GPATCH8: variants seen among roughly 807,000 people sequenced by gnomAD.
The protein encoded by GPATCH8 is G patch domain-containing protein 8.
Under a neutral mutation model 118.3 loss-of-function variants are expected in GPATCH8, and 18 were observed. The ratio of observed to expected loss-of-function variants is 0.15; its 90% CI spans 0.11 to 0.23. GPATCH8 has a LOEUF of 0.23. GPATCH8 is among the 10% of genes least tolerant of loss of function. The probability of loss-of-function intolerance (pLI) is 1.00; values close to 1 mark genes in which losing one functional copy is unlikely to be tolerated. For synonymous variants in GPATCH8, 659 were observed against 684.7 expected (o/e 0.96, Z 0.59); for missense variants, 1,631 against 1,873.8 (o/e 0.87, Z 2.39).
At position 44,470,029 on chromosome 17, in the gene GPATCH8, T is replaced by C. The variant is rs191436715; in HGVS notation, c.120+4800A>G. On this transcript the variant is annotated intron_variant, in intron 2 of 7. Coordinates refer to ENST00000591680, the MANE Select transcript of GPATCH8 (RefSeq NM_001002909.4). ...GAGTTTGAAGCTTACACTACATTTT[T>C]AAACCTATTAGGTCATCCTGACAAC... Among the ~76,000 whole-genome samples the C allele has an allele frequency of 6.1e-3, 926 of 152,356 alleles. 4 individuals carry two copies. The highest frequency in any genetic ancestry group is 0.017 in the Middle Eastern group (5 of 294).
intron 6 of GPATCH8, among the ~76,000 whole-genome samples, chr17:44,416,694 G>A (rs779532672): frequency 2.0e-5 from 3 of 152,196 alleles, no homozygotes; most frequent in Non-Finnish European, 4.4e-5. Context: ...TAATGAAACA[G>A]TCAACTAAGA....
chr17:44,463,066 TTTAA>T lies in GPATCH8; in HGVS notation c.193+1402_193+1405del, dbSNP rs201400110. 2.5e-3 allele frequency among the ~76,000 whole-genome samples: 385 copies of T among 152,218 alleles called. 1 individual carries two copies. Among genetic ancestry groups the T allele is most frequent in the African/African-American group, 8.7e-3 (361 of 41,574 alleles). ...GCCCTGTCCTCCTGGTTTCTCTCTT[TTTAA>T]TTAATTAATTAATTTTTTCTTTTTT... is the stretch of plus-strand genomic sequence containing the variant. On this transcript the variant is annotated intron_variant, in intron 3 of 7. Coordinates refer to ENST00000591680, the MANE Select transcript of GPATCH8 (RefSeq NM_001002909.4).
At chr17:44,435,411 C>CTTTTTTTTTTTTTT (rs566253126) in intron 4 of GPATCH8, among the ~76,000 whole-genome samples, 1 of 99,754 alleles carries the variant, frequency 1.0e-5, no homozygotes, top group Non-Finnish European at 1.9e-5. Context: ...TCTTTCTTTC[C>CTTTTTTTTTTTTTT]TTTTTTTTTT....
In GPATCH8 at chr17:44,399,088, T is replaced by C. The variant is rs1251490402; in HGVS notation, c.2989A>G (p.Arg997Gly). The change falls in exon 8 of 8, where the codon AGG becomes GGG. Residue 997 changes from arginine to glycine, a missense_variant. Arg to Gly is a moderately radical substitution (Grantham distance 125, BLOSUM62 -2). Coordinates refer to ENST00000591680, the MANE Select transcript of GPATCH8 (RefSeq NM_001002909.4). ...GAGCCTGATCTCTGGGAAGGGCTCC[T>C]GGTGCTGCGGCTGCGGTCCCGGCTA... ...SYSRDRSRST[R>G]SPSQRSGSRK... 3.1e-6 allele frequency: 5 copies of C among 1,613,938 alleles called. No individual in the cohort carries two copies. The East Asian group carries it at 6.7e-5, about 22-fold the overall frequency.
At chr17:44,430,159 G>GA (rs1259195175) in intron 5 of GPATCH8, among the ~76,000 whole-genome samples, 2 of 139,800 alleles carry the variant, frequency 1.4e-5, no homozygotes, top group Non-Finnish European at 3.0e-5. Context: ...AAATGCAAGG[G>GA]AAAATAGAAG....
intron 2 of GPATCH8, among the ~76,000 whole-genome samples, chr17:44,470,400 G>A (rs183161605): frequency 4.0e-5 from 6 of 151,056 alleles, no homozygotes; most frequent in Non-Finnish European, 8.8e-5. Context: ...GTTTCACCGT[G>A]TTAGCCAGAA....
chr17:44,429,895 G>GT (rs2050241121), intron 5 of GPATCH8, among the ~76,000 whole-genome samples: 4 of 151,926 alleles, frequency 2.6e-5, no homozygotes, highest in Non-Finnish European at 5.9e-5. Flanking sequence ...TGGACGTGGT[G>GT]GCGCACGCCT....
intron 3 of GPATCH8, among the ~76,000 whole-genome samples, chr17:44,458,630 T>C (rs1389181502): frequency 6.6e-6 from 1 of 152,092 alleles, no homozygotes; most frequent in Non-Finnish European, 1.5e-5. Flanking sequence ...CAAGGGATCC[T>C]CCTGCCTCAG....
At position 44,399,218 on chromosome 17, in the gene GPATCH8, G is replaced by A. The variant is rs2048907655; in HGVS notation, c.2859C>T (p.Arg953=). The change falls in exon 8 of 8, where the codon CGC becomes CGT. Residue 953 remains arginine, a synonymous_variant. Transcript: ENST00000591680. ...TGCGGCTGCGGCCCCGGGATCTTGA[G>A]CGCTCTCTGGTATGACTCCGAGATC... ...RSRSRSHTRE[R]SRSRGRSRSS... 3 of 1,613,970 alleles carry A rather than the reference G, an allele frequency of 1.9e-6. No individual in the cohort carries two copies. Among genetic ancestry groups the A allele is most frequent in the East Asian group, 2.2e-5 (1 of 44,872 alleles).
intron 1 of GPATCH8, among the ~76,000 whole-genome samples, chr17:44,476,475 G>A (rs1858222256): frequency 6.6e-6 from 1 of 152,112 alleles, no homozygotes; most frequent in South Asian, 2.1e-4. Context: ...AAAGTGCTGG[G>A]ATTACAGGCG....
chr17:44,436,054 A>C (rs1042723507), intron 4 of GPATCH8, among the ~76,000 whole-genome samples: 1 of 146,548 alleles, frequency 6.8e-6, no homozygotes, highest in Non-Finnish European at 1.5e-5. Context: ...AAAAAAAAAA[A>C]GGAATTAGGA....
chr17:44,453,528 T>TGTGTGTGTGTGTGCGCGC (rs1482667373), intron 3 of GPATCH8, among the ~76,000 whole-genome samples: 1 of 150,584 alleles, frequency 6.6e-6, no homozygotes, highest in African/African-American at 2.5e-5. Context: ...TGTGTGTGTG[T>TGTGTGTGTGTGTGCGCGC]GTGCAGGCGC....
intron 2 of GPATCH8, among the ~76,000 whole-genome samples, chr17:44,468,373 C>CTTTTTTTTTT (rs869068538): frequency 3.0e-5 from 3 of 100,016 alleles, no homozygotes; most frequent in East Asian, 3.0e-4. Flanking sequence ...TTCTTTGTTC[C>CTTTTTTTTTT]TTTTTTTTTT....
chr17:44,426,099 G>A (rs928328836), intron 5 of GPATCH8, among the ~76,000 whole-genome samples: 18 of 152,130 alleles, frequency 1.2e-4, no homozygotes, highest in African/African-American at 4.1e-4. Context: ...GCCAAAGGTG[G>A]CAATTTCAGA....
At position 44,396,525 on chromosome 17, in the gene GPATCH8, A is replaced by G. The variant is rs950067814; in HGVS notation, c.*1043T>C. On this transcript the variant is annotated 3_prime_UTR_variant, in exon 8 of 8. Coordinates refer to ENST00000591680, the MANE Select transcript of GPATCH8 (RefSeq NM_001002909.4). ...TTCAAAAAATACATAAGTTTGGTAA[A>G]ATATACATGCTTAGTCAGTTTTGCA... 2 of 451,916 alleles carry G rather than the reference A, an allele frequency of 4.4e-6. No individual in the cohort carries two copies. Among genetic ancestry groups the G allele is most frequent in the Non-Finnish European group, 4.4e-6 (1 of 225,522 alleles). 28.0% of individuals were successfully genotyped at this position (451,916 alleles called of 1,614,324 possible).
Position 44,401,444 on chromosome 17 carries a change from TC to T in GPATCH8, c.632del (p.Gly211GlufsTer13). 1 of 1,600,446 alleles carries T rather than the reference TC, an allele frequency of 6.2e-7. No individual in the cohort carries two copies. Among genetic ancestry groups the T allele is most frequent in the Non-Finnish European group, 8.6e-7 (1 of 1,167,540 alleles). On this transcript the variant is annotated frameshift_variant, in exon 8 of 8. Coordinates refer to ENST00000591680, the MANE Select transcript of GPATCH8 (RefSeq NM_001002909.4). LOFTEE classifies it high-confidence loss of function. The part of the protein sequence containing the change: ...EQRKQAECAP[G>X]SGPMFKPTTV... ...TGGTTGGTTTGAACATGGGACCACTTCCAGGTGCACTACATGATGATTTAGA... is the reference window on the plus strand; with the variant it reads ...TGGTTGGTTTGAACATGGGACCACTTCAGGTGCACTACATGATGATTTAGA...
chr17:44,431,306 A>C (rs1251165084), intron 5 of GPATCH8, among the ~76,000 whole-genome samples: 1 of 151,078 alleles, frequency 6.6e-6, no homozygotes, highest in Admixed American at 6.6e-5. Context: ...ACCAGGAGGC[A>C]AAGGTTGCAG....
chr17:44,467,947 A>G (rs1003657437), intron 2 of GPATCH8, among the ~76,000 whole-genome samples: 1 of 152,096 alleles, frequency 6.6e-6, no homozygotes, highest in African/African-American at 2.4e-5. Context: ...GAAACAAGCA[A>G]TCTATTCTCT....
intron 1 of GPATCH8, among the ~76,000 whole-genome samples, chr17:44,488,859 G>A (rs1192239350): frequency 4.0e-5 from 6 of 151,502 alleles, no homozygotes; most frequent in Non-Finnish European, 7.4e-5. Flanking sequence ...GGCCGAGGCG[G>A]GTGGATCACC....
Sources: allele counts gnomAD v4.1 joint callset (sites outside exome capture counted in the v4.1 genomes callset), GRCh38; gene constraint gnomAD v4.1.1; transcripts MANE v1.5; gene names NCBI Gene and HGNC (gene_info 2026-07-23, HGNC 2026-07-21).